CIB1: variants seen among roughly 807,000 people sequenced by gnomAD.
CIB1 encodes the protein calcium and integrin binding 1, also known as calcium and integrin-binding protein 1.
CIB1 carries 19 observed loss-of-function variants against 25.0 expected under a neutral mutation model. That is an observed-to-expected ratio of 0.76 (90% CI 0.53 to 1.12). The LOEUF (loss-of-function observed/expected upper bound fraction) is 1.12. Among genes scored for constraint, CIB1 ranks in the 50% most tolerant of loss-of-function variants. CIB1 has a pLI of 0.00. For synonymous variants in CIB1, 104 were observed against 98.5 expected, an observed-to-expected ratio of 1.06 and a Z score of -0.33; for missense variants, 236 against 242.6, an observed-to-expected ratio of 0.97 and a Z score of 0.18.
chr15:90,232,526 G>T, intron 2 of CIB1, 199 bp from the exon 3 acceptor site: 1 of 698,300 alleles, frequency 1.4e-6, no homozygotes, highest in Non-Finnish European at 2.1e-6. Context: ...CTTGCAATGA[G>T]TATTTACTGA....
At position 90,230,110 on chromosome 15, in the gene CIB1, C is replaced by T. The variant is rs957833538; in HGVS notation, c.*374G>A. 7 of 295,170 alleles carry T rather than the reference C, an allele frequency of 2.4e-5. No homozygotes were observed. The highest frequency in any genetic ancestry group is 1.5e-4 in the African/African-American group (7 of 45,592). 18.3% of individuals were successfully genotyped at this position (295,170 alleles called of 1,614,324 possible). A position where few individuals can be genotyped will look rare whatever the true frequency, so the allele number is the denominator to read the frequency against. ...GCCCCTTCATCCTCACACCCTCCCACGGGGACAGCCAGCGTGGGTGCGGCT... is the reference window on the plus strand; with the variant it reads ...GCCCCTTCATCCTCACACCCTCCCATGGGGACAGCCAGCGTGGGTGCGGCT... On this transcript the variant is annotated 3_prime_UTR_variant, in exon 7 of 7. Transcript: ENST00000328649.
At chr15:90,265,422 G>C in the CIB1 span, 130 of 1,287,384 alleles carry the variant, frequency 1.0e-4, no homozygotes, top group Non-Finnish European at 2.2e-5. Context: ...CGCTGGGGCG[G>C]AGGGACGGCT....
Position 90,232,461 on chromosome 15 carries a change from A to T in CIB1, c.87-134T>A, listed in dbSNP as rs1252479343. 2.9e-6 allele frequency: 4 copies of T among 1,401,320 alleles called. No homozygotes were observed. The African/African-American group carries it at 4.4e-5, about 15-fold the overall frequency. 86.8% of individuals were successfully genotyped at this position (1,401,320 alleles called of 1,614,324 possible). Reference sequence around the variant, plus strand: ...ACGTACACAGAACTTCCGAGTCATCAGGCAACGGTAAGCAAAAGGACATGT... The same window carrying T: ...ACGTACACAGAACTTCCGAGTCATCTGGCAACGGTAAGCAAAAGGACATGT... On this transcript the variant is annotated intron_variant, in intron 2 of 6. Coordinates refer to ENST00000328649, the MANE Select transcript of CIB1 (RefSeq NM_006384.4).
At chr15:90,234,086 G>A (rs920597755), upstream of CIB1, 12 of 501,790 alleles carry the variant, frequency 2.4e-5, no homozygotes, top group Admixed American at 4.7e-4. Flanking sequence ...AGCGGTCCTA[G>A]GCGAGCTGGA....
the CIB1 span, chr15:90,256,423 G>C: frequency 8.4e-7 from 1 of 1,196,018 alleles, no homozygotes; most frequent in Non-Finnish European, 1.2e-6. Flanking sequence ...CGTTTTCCTG[G>C]AGGCAGTATC....
chr15:90,255,568 C>CA, the CIB1 span, among the ~76,000 whole-genome samples: 2 of 152,052 alleles, frequency 1.3e-5, no homozygotes. Context: ...GTAGGAGTCA[C>CA]AGAGGGTTTT....
At position 90,231,002 on chromosome 15, in the gene CIB1, A is replaced by G; in HGVS notation, c.486T>C (p.Ile162=). 4 of 1,614,134 alleles carry G rather than the reference A, an allele frequency of 2.5e-6. No homozygotes were observed. The highest frequency in any genetic ancestry group is 3.4e-6 in the Non-Finnish European group (4 of 1,180,010). ...AGAGGTTGATGGTTCCATCCCTGTCAATGTCAGACTCCTCCAGGATCTGGG... is the reference window on the plus strand; with the variant it reads ...AGAGGTTGATGGTTCCATCCCTGTCGATGTCAGACTCCTCCAGGATCTGGG... ...LIDNILEESD[I]DRDGTINLSE... Residue 162 remains isoleucine, a synonymous_variant, in exon 6 of 7, where the codon ATT becomes ATC. Coordinates refer to ENST00000328649, the MANE Select transcript of CIB1 (RefSeq NM_006384.4).
chr15:90,256,597 C>CTTTCTT, the CIB1 span, among the ~76,000 whole-genome samples: 2 of 35,256 alleles, frequency 5.7e-5, no homozygotes, highest in Non-Finnish European at 5.5e-5. Context: ...TTCTTTCTTT[C>CTTTCTT]TTTCTTTCTT....
chr15:90,245,608 A>G, the CIB1 span: 1 of 152,100 alleles, frequency 6.6e-6, no homozygotes. Flanking sequence ...CCAGTATCAC[A>G]CTTAATTTTG....
At chr15:90,263,789 G>A in the CIB1 span, 1 of 705,210 alleles carries the variant, frequency 1.4e-6, no homozygotes, top group Admixed American at 2.0e-5. Context: ...AAATCTATGA[G>A]TCTGGTCCTA....
chr15:90,230,064 G>A lies in CIB1; in HGVS notation c.*420C>T, dbSNP rs1034196037. On this transcript the variant is annotated 3_prime_UTR_variant, in exon 7 of 7. Coordinates refer to ENST00000328649, the MANE Select transcript of CIB1 (RefSeq NM_006384.4). ...AACCACCACCCCAATCAGGATACAG[G>A]CGAGTCCCACACCTCCTGCTGCCCC... The A allele has an allele frequency of 4.0e-6, 1 of 247,078 alleles. No individual in the cohort carries two copies. Among genetic ancestry groups the A allele is most frequent in the African/African-American group, 2.3e-5 (1 of 43,828 alleles). The allele number at this position is 247,078 out of a possible 1,614,324, so 15.3% of individuals were successfully genotyped here.
chr15:90,258,103 AC>A, the CIB1 span: 1 of 1,614,110 alleles, frequency 6.2e-7, no homozygotes, highest in Non-Finnish European at 8.5e-7. Context: ...CTGTGGGGGG[AC>A]ATCGAGGACA....
At chr15:90,253,216 A>T in the CIB1 span, 1 of 1,578,130 alleles carries the variant, frequency 6.3e-7, no homozygotes, top group Admixed American at 1.7e-5. Flanking sequence ...GCTGGTGTCC[A>T]TGCTGGCACT....
intron 1 of CIB1, 46 bp downstream of exon 1, chr15:90,233,789 G>A (rs1962566910): frequency 6.4e-7 from 1 of 1,550,928 alleles, no homozygotes; most frequent in South Asian, 1.2e-5. Context: ...CTGCTCCCGA[G>A]AAGAGGCCCG....
chr15:90,247,660 C>T, the CIB1 span, among the ~76,000 whole-genome samples: 2 of 151,456 alleles, frequency 1.3e-5, no homozygotes, highest in Non-Finnish European at 2.9e-5. Context: ...GCACTCTATA[C>T]ATTTGCTGTG....
the CIB1 span, among the ~76,000 whole-genome samples, chr15:90,246,826 A>T: frequency 1.4e-5 from 2 of 144,238 alleles, no homozygotes; most frequent in Non-Finnish European, 3.0e-5. Flanking sequence ...AAAAAAAAAA[A>T]AAAATTGCTG....
chr15:90,241,104 G>C, the CIB1 span: 1 of 1,614,162 alleles, frequency 6.2e-7, no homozygotes, highest in Non-Finnish European at 8.5e-7. Flanking sequence ...ACTCTGCTCT[G>C]CCTGGAAGCA....
the CIB1 span, among the ~76,000 whole-genome samples, chr15:90,239,299 C>T: frequency 8.2e-6 from 1 of 121,588 alleles, no homozygotes; most frequent in African/African-American, 3.4e-5. Flanking sequence ...CTATATGAGA[C>T]ATAAAATGTG....
the CIB1 span, among the ~76,000 whole-genome samples, chr15:90,255,058 C>T: frequency 6.6e-6 from 1 of 152,168 alleles, no homozygotes; most frequent in Non-Finnish European, 1.5e-5. Flanking sequence ...ATGGGGAAAC[C>T]CAGTGGAGAG....
Sources: allele counts gnomAD v4.1 joint callset (sites outside exome capture counted in the v4.1 genomes callset), GRCh38; gene constraint gnomAD v4.1.1; transcripts MANE v1.5; gene names NCBI Gene and HGNC (gene_info 2026-07-23, HGNC 2026-07-21).